The following KLHDC4 variants were observed in gnomAD, a reference collection of about 807,000 sequenced individuals.
KLHDC4 encodes kelch domain-containing protein 4.
Under a neutral mutation model 62.4 loss-of-function variants are expected in KLHDC4, and 90 were observed. The ratio of observed to expected loss-of-function variants is 1.44; its 90% CI spans 1.22 to 1.72. The LOEUF (loss-of-function observed/expected upper bound fraction) is 1.72, where lower values mean the gene tolerates loss of function less well. Among genes scored for constraint, KLHDC4 ranks in the 40% most tolerant of loss-of-function variants. The pLI is 0.00. For synonymous variants in KLHDC4, 386 were observed against 284.4 expected (o/e 1.36, Z -3.59); for missense variants, 1,025 against 699.7 (o/e 1.47, Z -5.25).
chr16:87,718,204 A>G (rs377760229), intron 7 of KLHDC4, among the ~76,000 whole-genome samples: 49 of 152,040 alleles, frequency 3.2e-4, no homozygotes, highest in African/African-American at 1.1e-3. Flanking sequence ...TTTCTGGATC[A>G]CCTGTGCTCA....
At chr16:87,753,908 G>T (rs1438326416) in intron 4 of KLHDC4, among the ~76,000 whole-genome samples, 1 of 150,902 alleles carries the variant, frequency 6.6e-6, no homozygotes, top group African/African-American at 2.4e-5. Flanking sequence ...GGCAGGCGGA[G>T]GTTGTAGTGA....
chr16:87,764,537 T>C (rs1597447618), intron 1 of KLHDC4, among the ~76,000 whole-genome samples: 1 of 148,540 alleles, frequency 6.7e-6, no homozygotes. Context: ...TAATCTCAGC[T>C]ACTTGGGAGG....
chr16:87,715,428 G>A (rs182917314), intron 7 of KLHDC4, among the ~76,000 whole-genome samples: 16 of 152,198 alleles, frequency 1.1e-4, no homozygotes, highest in Admixed American at 2.6e-4. Flanking sequence ...TACCGGGAGC[G>A]TGGCCCACAC....
downstream of KLHDC4, among the ~76,000 whole-genome samples, chr16:87,704,181 A>G (rs2034371331): frequency 6.6e-6 from 1 of 152,242 alleles, no homozygotes; most frequent in African/African-American, 2.4e-5. Context: ...CCCGAGTGCC[A>G]CGTCCAGCGC....
chr16:87,710,965 G>A (rs1176989325), intron 9 of KLHDC4: 6 of 455,718 alleles, frequency 1.3e-5, no homozygotes, highest in Non-Finnish European at 2.0e-5. Flanking sequence ...CACACAGAGG[G>A]CCGGGGAGGT....
intron 8 of KLHDC4, 97 bp from the exon 9 acceptor site, chr16:87,711,540 G>T (rs948461527): frequency 9.5e-7 from 1 of 1,052,050 alleles, no homozygotes; most frequent in East Asian, 2.6e-5. Context: ...CCCCCAGAAT[G>T]GGGTAAATGA....
intron 4 of KLHDC4, among the ~76,000 whole-genome samples, 174 bp downstream of exon 4, chr16:87,755,020 G>A (rs566928603): frequency 8.5e-5 from 13 of 152,212 alleles, no homozygotes; most frequent in East Asian, 3.9e-4. Context: ...TCTCCTCCCC[G>A]TCTCACAGTG....
At chr16:87,719,162 G>T (rs1046369933) in intron 7 of KLHDC4, among the ~76,000 whole-genome samples, 2 of 152,244 alleles carry the variant, frequency 1.3e-5, no homozygotes, top group African/African-American at 4.8e-5. Flanking sequence ...ACCCCGTCTG[G>T]GAGGAGTACC....
intron 6 of KLHDC4, among the ~76,000 whole-genome samples, chr16:87,727,380 T>C (rs1283344041): frequency 6.6e-6 from 1 of 152,144 alleles, no homozygotes; most frequent in Non-Finnish European, 1.5e-5. Flanking sequence ...AGGGCAGCAG[T>C]GAATGGCGCC....
rs1294126050 is a variant in KLHDC4 at position 87,755,943 on chromosome 16, C to A, written c.270+456G>T. 2.5e-5 allele frequency: 4 copies of A among 162,572 alleles called. No homozygotes were observed. The East Asian group carries it at 6.6e-4, about 27-fold the overall frequency. The allele number at this position is 162,572 out of a possible 1,614,324, so 10.1% of individuals were successfully genotyped here. ...TCAAACCCCCAAGGCCCATCCCGGG[C>A]TGCAGGGAAGGTGAGCTCCTGCTTT... On this transcript the variant is annotated intron_variant, in intron 3 of 11. Transcript: ENST00000270583.
intron 4 of KLHDC4, among the ~76,000 whole-genome samples, chr16:87,749,609 C>T (rs761182812): frequency 1.6e-4 from 24 of 151,634 alleles, no homozygotes; most frequent in Middle Eastern, 6.8e-3. Context: ...TTAGAGACCA[C>T]GTCTTGCTCT....
intron 6 of KLHDC4, among the ~76,000 whole-genome samples, chr16:87,728,799 T>C (rs2039831139): frequency 6.6e-6 from 1 of 152,044 alleles, no homozygotes; most frequent in Non-Finnish European, 1.5e-5. Context: ...GCGAACATAG[T>C]GAAACCCCGT....
At chr16:87,714,272 A>C (rs991608144) in intron 8 of KLHDC4, 1 of 558,648 alleles carries the variant, frequency 1.8e-6, no homozygotes, top group African/African-American at 2.0e-5. Context: ...CGTGCTTCTC[A>C]GTCAGTCCAT....
At chr16:87,738,081 C>T (rs546301611) in intron 5 of KLHDC4, among the ~76,000 whole-genome samples, 49 of 152,316 alleles carry the variant, frequency 3.2e-4, no homozygotes, top group African/African-American at 1.1e-3. Flanking sequence ...GAGCTTCAGA[C>T]CATGCAACCC....
At chr16:87,758,037 C>T (rs1169251469) in intron 2 of KLHDC4, among the ~76,000 whole-genome samples, 3 of 152,176 alleles carry the variant, frequency 2.0e-5, no homozygotes, top group Admixed American at 6.5e-5. Flanking sequence ...CTCCATAATG[C>T]CAACTCCAAA....
intron 7 of KLHDC4, among the ~76,000 whole-genome samples, chr16:87,720,563 C>T (rs375214064): frequency 4.7e-4 from 71 of 152,158 alleles, no homozygotes; most frequent in African/African-American, 1.2e-3. Flanking sequence ...GGGGAGACGC[C>T]GCACCACATC....
intron 2 of KLHDC4, among the ~76,000 whole-genome samples, chr16:87,761,568 A>C (rs967353727): frequency 1.3e-5 from 2 of 152,264 alleles, no homozygotes; most frequent in African/African-American, 4.8e-5. Context: ...GAGAATTTGA[A>C]AGCATTACAA....
intron 1 of KLHDC4, among the ~76,000 whole-genome samples, chr16:87,764,373 G>T (rs1429075365): frequency 6.6e-6 from 1 of 152,120 alleles, no homozygotes; most frequent in Non-Finnish European, 1.5e-5. Context: ...AACTGGCGGG[G>T]CAAGGTGGCT....
chr16:87,746,027 G>A (rs1013218514), intron 5 of KLHDC4, among the ~76,000 whole-genome samples: 17 of 152,224 alleles, frequency 1.1e-4, no homozygotes, highest in African/African-American at 3.9e-4. Flanking sequence ...TACTCAGGAA[G>A]CTGAAGTGGG....
Sources: allele counts gnomAD v4.1 joint callset (sites outside exome capture counted in the v4.1 genomes callset), GRCh38; gene constraint gnomAD v4.1.1; transcripts MANE v1.5; gene names NCBI Gene and HGNC (gene_info 2026-07-23, HGNC 2026-07-21).